KCNQ3: variants seen among roughly 807,000 people sequenced by gnomAD.
KCNQ3 encodes the protein potassium voltage-gated channel subfamily KQT member 3.
In KCNQ3, 30 loss-of-function variants were observed where a neutral mutation model predicts 92.5. The ratio of observed to expected loss-of-function variants is 0.32; its 90% confidence interval spans 0.24 to 0.44. The LOEUF is 0.44. Among genes scored for constraint, KCNQ3 ranks in the 20% least tolerant of loss-of-function variants. The pLI is 1.00. For synonymous variants in KCNQ3, 450 were observed against 468.8 expected, an observed-to-expected ratio of 0.96 and a Z score of 0.52; for missense variants, 913 against 1,140.3, an observed-to-expected ratio of 0.80 and a Z score of 2.87.
chr8:132,277,074 T>TAA (rs928334456), intron 1 of KCNQ3, among the ~76,000 whole-genome samples: 6 of 148,046 alleles, frequency 4.1e-5, no homozygotes, highest in Admixed American at 2.0e-4. Context: ...CAATAATTTT[T>TAA]AAAAAAAAAA....
At chr8:132,476,451 T>C (rs1338940403) in intron 1 of KCNQ3, among the ~76,000 whole-genome samples, 1 of 152,044 alleles carries the variant, frequency 6.6e-6, no homozygotes, top group Non-Finnish European at 1.5e-5. Flanking sequence ...GTCACAAGGG[T>C]GGAGCTGCCC....
At chr8:132,426,933 C>T (rs1821128518) in intron 1 of KCNQ3, among the ~76,000 whole-genome samples, 1 of 152,186 alleles carries the variant, frequency 6.6e-6, no homozygotes, top group Non-Finnish European at 1.5e-5. Flanking sequence ...ACTCTAACAT[C>T]ATATGTGTTA....
chr8:132,480,745 T>A lies in KCNQ3; in HGVS notation c.-213A>T, dbSNP rs1822543947. 1 of 266,414 alleles carries A rather than the reference T, an allele frequency of 3.8e-6. No individual in the cohort carries two copies. Among genetic ancestry groups the A allele is most frequent in the Admixed American group, 7.3e-5 (1 of 13,672 alleles). The allele number at this position is 266,414 out of a possible 1,614,324, so 16.5% of individuals were successfully genotyped here. A position where few individuals can be genotyped will look rare whatever the true frequency, so the allele number is the denominator to read the frequency against. On this transcript the variant is annotated 5_prime_UTR_variant, in exon 1 of 15. It removes an upstream start codon present in the reference 5' UTR. Transcript: ENST00000388996. ...CCAGGCAGGGGGTCAGGGGGTCACA[T>A]CCCGCGCGGGTCAGCCGCAGGACCC...
At chr8:132,419,243 C>T (rs1323557722) in intron 1 of KCNQ3, among the ~76,000 whole-genome samples, 1 of 152,214 alleles carries the variant, frequency 6.6e-6, no homozygotes, top group Non-Finnish European at 1.5e-5. Context: ...GGCTTAACCA[C>T]AGCACCTTTC....
intron 1 of KCNQ3, among the ~76,000 whole-genome samples, chr8:132,237,921 T>G (rs1814868166): frequency 6.6e-6 from 1 of 152,168 alleles, no homozygotes; most frequent in Non-Finnish European, 1.5e-5. Flanking sequence ...CACCATCATC[T>G]CGGACAAATA....
chr8:132,204,810 G>A (rs1210637114), intron 1 of KCNQ3, among the ~76,000 whole-genome samples: 1 of 152,182 alleles, frequency 6.6e-6, no homozygotes, highest in Non-Finnish European at 1.5e-5. Context: ...ATACCAGAGC[G>A]CTGCTATTCA....
chr8:132,466,218 A>T (rs1446061698), intron 1 of KCNQ3, among the ~76,000 whole-genome samples: 1 of 152,080 alleles, frequency 6.6e-6, no homozygotes, highest in Non-Finnish European at 1.5e-5. Flanking sequence ...CTAACTGAAA[A>T]ATTAATGAGG....
intron 1 of KCNQ3, among the ~76,000 whole-genome samples, chr8:132,415,455 A>T (rs1163502702): frequency 6.6e-6 from 1 of 152,158 alleles, no homozygotes; most frequent in Non-Finnish European, 1.5e-5. Context: ...GCAGGAGCCA[A>T]GTCACCCACC....
At chr8:132,185,706 G>A (rs763289466) in intron 2 of KCNQ3, among the ~76,000 whole-genome samples, 4 of 152,240 alleles carry the variant, frequency 2.6e-5, no homozygotes, top group Non-Finnish European at 5.9e-5. Flanking sequence ...GAGAATGAGA[G>A]ATCCTTGGAG....
chr8:132,441,267 T>C (rs1821527438), intron 1 of KCNQ3, among the ~76,000 whole-genome samples: 1 of 152,200 alleles, frequency 6.6e-6, no homozygotes, highest in African/African-American at 2.4e-5. Flanking sequence ...TTCCTTTGGG[T>C]AGGCCAGGTG....
chr8:132,473,657 T>C (rs1822341914), intron 1 of KCNQ3, among the ~76,000 whole-genome samples: 1 of 152,190 alleles, frequency 6.6e-6, no homozygotes, highest in Admixed American at 6.5e-5. Flanking sequence ...GCCTATAACT[T>C]ACTTACAACA....
intron 1 of KCNQ3, among the ~76,000 whole-genome samples, chr8:132,306,082 C>G (rs1288297959): frequency 1.3e-5 from 2 of 152,104 alleles, no homozygotes; most frequent in Non-Finnish European, 2.9e-5. Flanking sequence ...AGGCAACTCG[C>G]CCAAGGCCAT....
rs1824479087 is a variant in KCNQ3, at chr8:132,121,832, G to T, written c.*7430C>A. On this transcript the variant is annotated 3_prime_UTR_variant, in exon 15 of 15. Transcript: ENST00000388996. ...GGGCAGAGAACAAGGGGCACTTGTG[G>T]ATGATCTGCAGCCACACCAAGCCCC... The T allele has an allele frequency of 6.6e-6, 1 of 152,214 alleles. No individual in the cohort carries two copies. The highest frequency in any genetic ancestry group is 2.1e-4 in the South Asian group (1 of 4,824). 9.4% of individuals were successfully genotyped at this position (152,214 alleles called of 1,614,324 possible).
chr8:132,240,077 T>C (rs1814937258), intron 1 of KCNQ3, among the ~76,000 whole-genome samples: 1 of 152,134 alleles, frequency 6.6e-6, no homozygotes, highest in African/African-American at 2.4e-5. Context: ...CCAGATGGGT[T>C]GGGAAACACT....
rs181060315 is a variant in KCNQ3, at chr8:132,364,083, T to C, written c.386+116064A>G. The stretch of plus-strand genomic sequence containing the variant: ...AAATATTGTCCCCAAATGCCATTAG[T>C]TTCAACTCCTCAATCCATCTTCCTT... On this transcript the variant is annotated intron_variant, in intron 1 of 14. Coordinates refer to ENST00000388996, the MANE Select transcript of KCNQ3 (RefSeq NM_004519.4). Among the ~76,000 whole-genome samples the C allele has an allele frequency of 1.8e-3, 269 of 152,194 alleles. 1 individual carries two copies. Among genetic ancestry groups the C allele is most frequent in the African/African-American group, 5.9e-3 (246 of 41,532 alleles).
chr8:132,345,019 A>G (rs576086159), intron 1 of KCNQ3, among the ~76,000 whole-genome samples: 1 of 152,304 alleles, frequency 6.6e-6, no homozygotes, highest in South Asian at 2.1e-4. Context: ...GTACAGTTTC[A>G]CTAGAGCATG....
intron 1 of KCNQ3, among the ~76,000 whole-genome samples, chr8:132,219,357 CTCT>C (rs1814143001): frequency 6.6e-6 from 1 of 152,134 alleles, no homozygotes; most frequent in Admixed American, 6.5e-5. Context: ...CAACTCTTAA[CTCT>C]TCTCCTTGTG....
chr8:132,185,772 T>C (rs1826938592), intron 2 of KCNQ3, among the ~76,000 whole-genome samples: 2 of 152,246 alleles, frequency 1.3e-5, no homozygotes, highest in Admixed American at 1.3e-4. Context: ...GAATGAAACA[T>C]GCCTTTGTGT....
At chr8:132,379,551 T>C (rs1233956167) in intron 1 of KCNQ3, among the ~76,000 whole-genome samples, 7 of 152,184 alleles carry the variant, frequency 4.6e-5, no homozygotes, top group Non-Finnish European at 1.0e-4. Flanking sequence ...TCTTTTTCCC[T>C]CTTCCCTTCC....
Sources: allele counts gnomAD v4.1 joint callset (sites outside exome capture counted in the v4.1 genomes callset), GRCh38; gene constraint gnomAD v4.1.1; transcripts MANE v1.5; gene names NCBI Gene and HGNC (gene_info 2026-07-23, HGNC 2026-07-21).